Variants in LAMC1 observed in about 807,000 individuals in gnomAD.
The protein encoded by LAMC1 is laminin subunit gamma-1.
LAMC1 carries 38 observed loss-of-function variants against 173.6 expected under a neutral mutation model. The ratio of observed to expected loss-of-function variants is 0.22; its 90% CI spans 0.17 to 0.29. The LOEUF is 0.29. Ranked by LOEUF, LAMC1 falls within the 10% of genes least tolerant of loss-of-function variation. The pLI, the probability that LAMC1 is intolerant of heterozygous loss-of-function variation, is 1.00. For synonymous variants in LAMC1, 746 were observed against 749.1 expected (o/e 1.00, Z 0.07); for missense variants, 1,824 against 2,051.8 (o/e 0.89, Z 2.14).
At chr1:183,070,230 G>C (rs1437014104) in intron 1 of LAMC1, among the ~76,000 whole-genome samples, 1 of 152,118 alleles carries the variant, frequency 6.6e-6, no homozygotes, top group Non-Finnish European at 1.5e-5. Context: ...TTTAGTCTCT[G>C]GGCCTGTTTC....
intron 25 of LAMC1, among the ~76,000 whole-genome samples, 173 bp from the exon 26 acceptor site, chr1:183,137,496 A>G (rs959427412): frequency 2.0e-5 from 3 of 152,108 alleles, no homozygotes; most frequent in African/African-American, 4.8e-5. Flanking sequence ...AATTTTTTTT[A>G]TGATTATTTA....
At position 183,117,374 on chromosome 1, in the gene LAMC1, G is replaced by T. The variant is rs144402201; in HGVS notation, c.1619G>T (p.Trp540Leu). The part of the protein sequence containing the change: ...QRDGSEASLE[W>L]SSERQDIAVI... ...GATGGCTCTGAAGCATCTCTCGAGT[G>T]GTCCTCTGAGAGGCAAGATATCGCC... is the stretch of plus-strand genomic sequence containing the variant. The change falls in exon 9 of 28, where the codon TGG (tryptophan) becomes TTG (leucine). Residue 540 changes from tryptophan (W) to leucine (L), a missense_variant. Trp to Leu is a moderately conservative substitution (Grantham distance 61). Coordinates refer to ENST00000258341, the MANE Select transcript of LAMC1 (RefSeq NM_002293.4). 100 of 1,613,734 alleles carry T rather than the reference G, an allele frequency of 6.2e-5. 1 individual carries two copies. The African/African-American group carries it at 1.1e-3, about 18-fold the overall frequency.
chr1:183,023,748 T>C lies in LAMC1; in HGVS notation c.32T>C (p.Leu11Pro), dbSNP rs1206667531. The C allele has an allele frequency of 8.3e-6, 10 of 1,210,778 alleles. No homozygotes were observed. Among genetic ancestry groups the C allele is most frequent in the Non-Finnish European group, 1.0e-5 (10 of 965,944 alleles). The allele number at this position is 1,210,778 out of a possible 1,614,324, so 75.0% of individuals were successfully genotyped here. A position where few individuals can be genotyped will look rare whatever the true frequency, so the allele number is the denominator to read the frequency against. Residue 11 changes from leucine (L) to proline (P), a missense_variant, in exon 1 of 28, where the codon CTG (leucine) becomes CCG (proline). Leu to Pro is a moderately conservative substitution (Grantham distance 98). Coordinates refer to ENST00000258341, the MANE Select transcript of LAMC1 (RefSeq NM_002293.4). MRGSHRAAPA[L>P]RPRGRLWPVL... ...GGGAGCCATCGGGCCGCGCCGGCCCTGCGGCCCCGGGGGCGGCTCTGGCCC... is the reference window on the plus strand; with the variant it reads ...GGGAGCCATCGGGCCGCGCCGGCCCCGCGGCCCCGGGGGCGGCTCTGGCCC...
At chr1:183,082,195 A>C (rs1474870130) in intron 1 of LAMC1, among the ~76,000 whole-genome samples, 1 of 152,212 alleles carries the variant, frequency 6.6e-6, no homozygotes, top group African/African-American at 2.4e-5. Flanking sequence ...TTCTATAAAC[A>C]CATCTGTATA....
At chr1:183,087,817 CTTT>C (rs111291713) in intron 1 of LAMC1, among the ~76,000 whole-genome samples, 1 of 143,562 alleles carries the variant, frequency 7.0e-6, no homozygotes, top group Non-Finnish European at 1.5e-5. Context: ...CTTTTCTTTC[CTTT>C]TTTTTTTTTT....
At chr1:183,024,918 C>T (rs1217480081) in intron 1 of LAMC1, among the ~76,000 whole-genome samples, 1 of 152,222 alleles carries the variant, frequency 6.6e-6, no homozygotes, top group East Asian at 1.9e-4. Flanking sequence ...TAGAAAACTT[C>T]ATGGCAGGGC....
chr1:183,069,889 G>A (rs1387138078), intron 1 of LAMC1, among the ~76,000 whole-genome samples: 1 of 152,168 alleles, frequency 6.6e-6, no homozygotes, highest in Non-Finnish European at 1.5e-5. Context: ...AAGTAGGAGT[G>A]GGTGTTGAAA....
At position 183,142,996 on chromosome 1, in the gene LAMC1, A is replaced by T; in HGVS notation, c.*206A>T. 1 of 548,850 alleles carries T rather than the reference A, an allele frequency of 1.8e-6. No homozygotes were observed. The highest frequency in any genetic ancestry group is 3.2e-5 in the East Asian group (1 of 31,196). The allele number at this position is 548,850 out of a possible 1,614,324, so 34.0% of individuals were successfully genotyped here. A position where few individuals can be genotyped will look rare whatever the true frequency, so the allele number is the denominator to read the frequency against. On this transcript the variant is annotated 3_prime_UTR_variant, in exon 28 of 28. Coordinates refer to ENST00000258341, the MANE Select transcript of LAMC1 (RefSeq NM_002293.4). ...GGGAACAAAGGGTTTTATCTAATAA[A>T]GTGTCTCTTCCATTCACGTTGCTAC... is the stretch of plus-strand genomic sequence containing the variant.
intron 26 of LAMC1, among the ~76,000 whole-genome samples, chr1:183,139,339 G>A (rs1248353450): frequency 6.6e-6 from 1 of 152,132 alleles, no homozygotes; most frequent in Non-Finnish European, 1.5e-5. Context: ...ATTTGAATCT[G>A]TATTGTATTT....
chr1:183,087,971 G>A (rs965802151), intron 1 of LAMC1, among the ~76,000 whole-genome samples: 2 of 151,748 alleles, frequency 1.3e-5, no homozygotes, highest in Admixed American at 6.6e-5. Context: ...GCCTCACCAT[G>A]CCCAGCTAAT....
At chr1:183,029,524 A>C (rs953853976) in intron 1 of LAMC1, among the ~76,000 whole-genome samples, 1 of 152,186 alleles carries the variant, frequency 6.6e-6, no homozygotes, top group African/African-American at 2.4e-5. Flanking sequence ...GGCGTGGTGT[A>C]CAGGGTACTT....
At chr1:183,079,350 G>A (rs1655207512) in intron 1 of LAMC1, among the ~76,000 whole-genome samples, 1 of 139,676 alleles carries the variant, frequency 7.2e-6, no homozygotes, top group Non-Finnish European at 1.5e-5. Context: ...CACTTGCCAG[G>A]TTCAAGCGAT....
In LAMC1 at chr1:183,121,803, ACCT is replaced by A; in HGVS notation, c.2072_2074del (p.Thr691_Cys692delinsSer). The stretch of plus-strand genomic sequence containing the variant: ...CCCTGCAACTTGGGTGGAGTCCTGC[ACCT>A]GTCCTGTGGGATATGGAGGGCAGTT... On this transcript the variant is annotated inframe_deletion, in exon 12 of 28. Coordinates refer to ENST00000258341, the MANE Select transcript of LAMC1 (RefSeq NM_002293.4). The A allele has an allele frequency of 1.9e-6, 3 of 1,614,174 alleles. No individual in the cohort carries two copies. The highest frequency in any genetic ancestry group is 2.5e-6 in the Non-Finnish European group (3 of 1,180,020).
intron 1 of LAMC1, among the ~76,000 whole-genome samples, chr1:183,093,480 C>T (rs1655615622): frequency 1.3e-5 from 2 of 152,166 alleles, no homozygotes; most frequent in Admixed American, 1.3e-4. Context: ...CTCCCCATTT[C>T]CCCCATTGCT....
chr1:183,030,535 G>C (rs1653823251), intron 1 of LAMC1, among the ~76,000 whole-genome samples: 1 of 152,136 alleles, frequency 6.6e-6, no homozygotes, highest in Non-Finnish European at 1.5e-5. Flanking sequence ...TTTTGAGCTT[G>C]TGTTTATTTT....
At chr1:183,135,642 C>T (rs550290786) in intron 24 of LAMC1, among the ~76,000 whole-genome samples, 5 of 151,984 alleles carry the variant, frequency 3.3e-5, no homozygotes, top group Admixed American at 1.3e-4. Context: ...CCCAACACTT[C>T]GGGAGGAAGG....
intron 1 of LAMC1, among the ~76,000 whole-genome samples, chr1:183,048,551 A>T (rs1459419480): frequency 6.6e-6 from 1 of 152,232 alleles, no homozygotes; most frequent in Non-Finnish European, 1.5e-5. Context: ...ACATTCTAGT[A>T]TAGTAATCCC....
At chr1:183,121,260 A>ATT (rs1656464016) in intron 11 of LAMC1, among the ~76,000 whole-genome samples, 4 of 150,568 alleles carry the variant, frequency 2.7e-5, no homozygotes, top group Non-Finnish European at 5.9e-5. Flanking sequence ...CTCTTCTAAA[A>ATT]AAAAAAAATA....
chr1:183,077,069 C>G (rs1655135143), intron 1 of LAMC1, among the ~76,000 whole-genome samples: 1 of 152,118 alleles, frequency 6.6e-6, no homozygotes, highest in Non-Finnish European at 1.5e-5. Context: ...TTAAGAGATA[C>G]TTTGGAGAAC....
Sources: gnomAD v4.1 joint callset for allele counts (sites outside exome capture counted in the v4.1 genomes callset) on GRCh38, gnomAD v4.1.1 for gene constraint, MANE v1.5 for transcripts, NCBI Gene and HGNC (gene_info 2026-07-23, HGNC 2026-07-21) for gene names.